The following COL10A1 variants were observed in gnomAD, a reference collection of about 807,000 sequenced individuals.
COL10A1 encodes the protein collagen alpha-1(X) chain.
A neutral mutation model predicts 18.2 loss-of-function variants in COL10A1; 10 were observed. That is an observed-to-expected ratio of 0.55 (90% CI 0.34 to 0.93). The LOEUF is 0.93. COL10A1 is among the 40% of genes least tolerant of loss of function. The probability of loss-of-function intolerance (pLI) is 0.02; values close to 1 mark genes in which losing one functional copy is unlikely to be tolerated. For synonymous variants in COL10A1, 330 were observed against 316.6 expected, an observed-to-expected ratio of 1.04 and a Z score of -0.45; for missense variants, 897 against 853.5, an observed-to-expected ratio of 1.05 and a Z score of -0.64.
the COL10A1 span, among the ~76,000 whole-genome samples, chr6:116,179,179 A>G: frequency 6.6e-6 from 1 of 152,172 alleles, no homozygotes; most frequent in Non-Finnish European, 1.5e-5. Context: ...GAAGAATTCT[A>G]GCTTAAAAAT....
At chr6:116,125,687 G>C in intron 1 of COL10A1, 180 bp from the exon 2 acceptor site, 1 of 498,568 alleles carries the variant, frequency 2.0e-6, no homozygotes. Flanking sequence ...ATATGTCTTA[G>C]TTATTTTTGG....
At chr6:116,160,674 T>C (rs929219430), upstream of COL10A1, among the ~76,000 whole-genome samples, 2 of 152,224 alleles carry the variant, frequency 1.3e-5, no homozygotes, top group Non-Finnish European at 2.9e-5. Context: ...TGTTGAGGTC[T>C]TCGTCATAAA....
chr6:116,157,118 G>A (rs762253324), intron 1 of COL10A1, among the ~76,000 whole-genome samples: 3 of 152,200 alleles, frequency 2.0e-5, no homozygotes, highest in African/African-American at 4.8e-5. Context: ...ATTTGGGTAT[G>A]AGAATATGGA....
chr6:116,189,731 A>G, the COL10A1 span, among the ~76,000 whole-genome samples: 2 of 151,992 alleles, frequency 1.3e-5, no homozygotes, highest in Admixed American at 6.6e-5. Flanking sequence ...TGAAAAAAAA[A>G]TGATTTTAAT....
At chr6:116,142,284 CT>C (rs573786007) in intron 1 of COL10A1, among the ~76,000 whole-genome samples, 135 of 147,866 alleles carry the variant, frequency 9.1e-4, no homozygotes, top group African/African-American at 2.7e-3. Flanking sequence ...TCTATTTTTG[CT>C]TTTTTTTTCA....
chr6:116,209,536 A>G, the COL10A1 span, among the ~76,000 whole-genome samples: 70 of 152,180 alleles, frequency 4.6e-4, no homozygotes, highest in African/African-American at 1.6e-3. Flanking sequence ...AACATGATGA[A>G]TGCCATCATT....
At chr6:116,175,985 T>G in the COL10A1 span, among the ~76,000 whole-genome samples, 1 of 152,018 alleles carries the variant, frequency 6.6e-6, no homozygotes, top group Non-Finnish European at 1.5e-5. Context: ...GTATATGAGA[T>G]TTATAATTTT....
At chr6:116,172,556 CT>C in the COL10A1 span, among the ~76,000 whole-genome samples, 1 of 151,956 alleles carries the variant, frequency 6.6e-6, no homozygotes, top group South Asian at 2.1e-4. Flanking sequence ...TCCTGACCCC[CT>C]GATCCACCCA....
At chr6:116,133,179 G>A (rs543774858) in intron 1 of COL10A1, among the ~76,000 whole-genome samples, 55 of 152,220 alleles carry the variant, frequency 3.6e-4, no homozygotes, top group Non-Finnish European at 6.3e-4. Flanking sequence ...GCTTTCCATA[G>A]TAACCCAGCT....
At chr6:116,125,844 G>A (rs1034082285) in intron 1 of COL10A1, 13 of 206,874 alleles carry the variant, frequency 6.3e-5, no homozygotes, top group Admixed American at 1.6e-4. Context: ...ACTGAAATTC[G>A]GATTAGGGCA....
the COL10A1 span, among the ~76,000 whole-genome samples, chr6:116,186,631 C>T: frequency 4.6e-5 from 7 of 151,956 alleles, no homozygotes; most frequent in African/African-American, 9.7e-5. Flanking sequence ...GCCTTGTCTT[C>T]GAGCTCTGAC....
intron 1 of COL10A1, among the ~76,000 whole-genome samples, chr6:116,155,118 CA>C (rs1431600493): frequency 3.3e-5 from 5 of 152,118 alleles, no homozygotes; most frequent in Admixed American, 2.6e-4. Flanking sequence ...CTTTCAATGG[CA>C]AAGTATGTGG....
intron 1 of COL10A1, among the ~76,000 whole-genome samples, chr6:116,140,245 T>C (rs1779733431): frequency 6.6e-6 from 1 of 152,182 alleles, no homozygotes; most frequent in South Asian, 2.1e-4. Flanking sequence ...CATCAACTTA[T>C]GCTTATGTTC....
At chr6:116,163,599 T>C (rs371740357), upstream of COL10A1, among the ~76,000 whole-genome samples, 7 of 152,312 alleles carry the variant, frequency 4.6e-5, no homozygotes, top group African/African-American at 1.7e-4. Flanking sequence ...CCTTGTGTGA[T>C]ATTTTAGTCT....
At chr6:116,205,499 T>C in the COL10A1 span, among the ~76,000 whole-genome samples, 16 of 151,948 alleles carry the variant, frequency 1.1e-4, no homozygotes, top group Admixed American at 6.6e-4. Flanking sequence ...CAGCAGCTTC[T>C]CCCTCTGGAG....
the COL10A1 span, among the ~76,000 whole-genome samples, chr6:116,214,330 A>G: frequency 6.6e-6 from 1 of 152,202 alleles, no homozygotes; most frequent in Non-Finnish European, 1.5e-5. Flanking sequence ...ATTCTATTTT[A>G]CTTAAAAAGA....
rs746977871 is a variant in COL10A1 at position 116,120,574 on chromosome 6, GC to G, written c.1541del (p.Gly514AlafsTer13). The G allele has an allele frequency of 6.9e-6, 11 of 1,601,538 alleles. No homozygotes were observed. The Admixed American group carries it at 1.9e-4, about 28-fold the overall frequency. Reference sequence around the variant, plus strand: ...CAGGCATGACTGCTTGACCTGGTGGGCCTGGAGGCCCAGGGGGCCCTGGAAG... The same window carrying G: ...CAGGCATGACTGCTTGACCTGGTGGGCTGGAGGCCCAGGGGGCCCTGGAAG... ...PGLPGPPGPP[G>X]PPGQAVMPEG... On this transcript the variant is annotated frameshift_variant, in exon 3 of 3. Transcript: ENST00000651968. LOFTEE classifies it low-confidence loss of function (END_TRUNC).
At chr6:116,167,968 G>A in the COL10A1 span, among the ~76,000 whole-genome samples, 1 of 151,776 alleles carries the variant, frequency 6.6e-6, no homozygotes, top group African/African-American at 2.4e-5. Flanking sequence ...TATTGTTTAT[G>A]TTGAAAATTC....
the COL10A1 span, among the ~76,000 whole-genome samples, chr6:116,199,844 T>G: frequency 6.6e-6 from 1 of 151,988 alleles, no homozygotes; most frequent in South Asian, 2.1e-4. Context: ...GATTAACAAG[T>G]AAATAAATGG....
Sources: allele counts gnomAD v4.1 joint callset (sites outside exome capture counted in the v4.1 genomes callset), GRCh38; gene constraint gnomAD v4.1.1; transcripts MANE v1.5; gene names NCBI Gene and HGNC (gene_info 2026-07-23, HGNC 2026-07-21).